The following SLC22A24 variants were observed in gnomAD, a reference collection of about 807,000 sequenced individuals.
SLC22A24 encodes the protein steroid transmembrane transporter SLC22A24.
SLC22A24 carries 53 observed loss-of-function variants against 49.8 expected under a neutral mutation model. The observed-to-expected ratio is 1.06, with a 90% CI of 0.85 to 1.34. The LOEUF is 1.34. Among genes scored for constraint, SLC22A24 ranks in the 40% most tolerant of loss-of-function variants. SLC22A24 has a pLI of 0.00. For synonymous variants in SLC22A24, 302 were observed against 256.4 expected, an observed-to-expected ratio of 1.18 and a Z score of -1.70; for missense variants, 786 against 675.9, an observed-to-expected ratio of 1.16 and a Z score of -1.81.
chr11:63,088,415 C>T (rs900023533), intron 6 of SLC22A24, among the ~76,000 whole-genome samples: 1 of 99,820 alleles, frequency 1.0e-5, no homozygotes, highest in Non-Finnish European at 2.3e-5. Flanking sequence ...CACACAAAAA[C>T]CCCACCTAAA....
In SLC22A24 at chr11:63,087,062, G is replaced by GGAGAGA. The variant is rs139630125; in HGVS notation, c.1071-3611_1071-3606dup. On this transcript the variant is annotated intron_variant, in intron 6 of 9. Coordinates refer to ENST00000612278, the MANE Select transcript of SLC22A24 (RefSeq NM_001136506.2). ...CACACACACACACACACACACAGAG[G>GGAGAGA]GAGAGAGAGAGAGAGAGAGAGAAAC... Among the ~76,000 whole-genome samples, 421 of 137,056 alleles carry GGAGAGA rather than the reference G, an allele frequency of 3.1e-3. 2 individuals carry two copies. Among genetic ancestry groups the GGAGAGA allele is most frequent in the Middle Eastern group, 7.6e-3 (2 of 262 alleles). The allele number at this position is 137,056 out of a possible 152,430, so 89.9% of individuals were successfully genotyped here. A position where few individuals can be genotyped will look rare whatever the true frequency, so the allele number is the denominator to read the frequency against.
chr11:63,105,326 T>A (rs1050917213), intron 4 of SLC22A24, among the ~76,000 whole-genome samples: 2 of 151,140 alleles, frequency 1.3e-5, no homozygotes, highest in Non-Finnish European at 2.9e-5. Context: ...CACTCAGCAG[T>A]GTACCAGTGG....
At position 63,125,273 on chromosome 11, in the gene SLC22A24, C is replaced by T. The variant is rs1392235663; in HGVS notation, c.507-5938G>A. 2.0e-5 allele frequency among the ~76,000 whole-genome samples: 3 copies of T among 152,178 alleles called. No individual in the cohort carries two copies. In the East Asian group the frequency reaches 5.8e-4, roughly 30 times the overall value. On this transcript the variant is annotated intron_variant, in intron 2 of 9. Coordinates refer to ENST00000612278, the MANE Select transcript of SLC22A24 (RefSeq NM_001136506.2). ...GCTGCACCCATTAACTTGTCATCTA[C>T]ATTAGGTATTTCTCCTAATGCTACT...
At chr11:63,104,563 G>A (rs554049182) in intron 4 of SLC22A24, among the ~76,000 whole-genome samples, 1 of 152,176 alleles carries the variant, frequency 6.6e-6, no homozygotes, top group Non-Finnish European at 1.5e-5. Context: ...CTGAGACTGG[G>A]TAACTTATAA....
chr11:63,113,799 A>G (rs1173344729), intron 4 of SLC22A24, among the ~76,000 whole-genome samples: 1 of 150,106 alleles, frequency 6.7e-6, no homozygotes, highest in Admixed American at 6.7e-5. Flanking sequence ...GATTGCAGTG[A>G]GCCAAAATTG....
At position 63,096,050 on chromosome 11, in the gene SLC22A24, A is replaced by T. The variant is rs763976918; in HGVS notation, c.1011T>A (p.Ile337=). 1.3e-6 allele frequency: 2 copies of T among 1,550,890 alleles called. No homozygotes were observed. The highest frequency in any genetic ancestry group is 1.4e-5 in the African/African-American group (1 of 73,018). The change falls in exon 6 of 10, where the codon ATT becomes ATA. Residue 337 remains isoleucine (I), a synonymous_variant. Coordinates refer to ENST00000612278, the MANE Select transcript of SLC22A24 (RefSeq NM_001136506.2). Reference sequence around the variant, plus strand: ...ATTTGGGTGCACGGAACAGGGAAAAAATGGATGTTTTAATTCGGACTGCAT... The same window carrying T: ...ATTTGGGTGCACGGAACAGGGAAAATATGGATGTTTTAATTCGGACTGCAT... ...ELDAVRIKTS[I]FSLFRAPKLR...
intron 2 of SLC22A24, 120 bp downstream of exon 2, chr11:63,134,545 G>T: frequency 1.7e-6 from 1 of 601,778 alleles, no homozygotes. Flanking sequence ...GAGTCAGAAA[G>T]AGAGATCAGC....
rs1408479153 is a variant in SLC22A24 at position 63,120,169 on chromosome 11, T to C, written c.507-834A>G. On this transcript the variant is annotated intron_variant, in intron 2 of 9. Transcript: ENST00000612278. Reference sequence around the variant, plus strand: ...TTTTGGCTTTTGTTGCCATTGCTTTTGGTGTTTTAGACATGAAGTCCTTGC... The same window carrying C: ...TTTTGGCTTTTGTTGCCATTGCTTTCGGTGTTTTAGACATGAAGTCCTTGC... 7.3e-5 allele frequency among the ~76,000 whole-genome samples: 11 copies of C among 151,478 alleles called. No homozygotes were observed. The East Asian group carries it at 2.1e-3, about 30-fold the overall frequency.
At chr11:63,080,030 G>A in intron 9 of SLC22A24, 30 bp from the exon 10 acceptor site, 1 of 1,405,400 alleles carries the variant, frequency 7.1e-7, no homozygotes, top group Non-Finnish European at 9.9e-7. Flanking sequence ...ACAAAAACAA[G>A]ATTAAGAAAC....
At chr11:63,112,308 G>A (rs2087171585) in intron 4 of SLC22A24, among the ~76,000 whole-genome samples, 1 of 152,178 alleles carries the variant, frequency 6.6e-6, no homozygotes, top group Non-Finnish European at 1.5e-5. Flanking sequence ...GTGTAGTGCT[G>A]AAGAAAATGT....
chr11:63,105,103 A>G (rs6591739), intron 4 of SLC22A24, among the ~76,000 whole-genome samples: 121,152 of 152,238 alleles, frequency 0.8, 49,299 homozygotes, highest in East Asian at 0.9. Context: ...CCTTGATTCC[A>G]TGTCTCAAAT....
chr11:63,108,261 G>A (rs546713794), intron 4 of SLC22A24, among the ~76,000 whole-genome samples: 2 of 152,158 alleles, frequency 1.3e-5, no homozygotes, highest in Non-Finnish European at 2.9e-5. Flanking sequence ...TGCCGAACCA[G>A]CCTTGCATCC....
At chr11:63,085,447 G>A (rs1011168777) in intron 6 of SLC22A24, among the ~76,000 whole-genome samples, 2 of 152,046 alleles carry the variant, frequency 1.3e-5, no homozygotes. Flanking sequence ...ATAATCAATA[G>A]TACATTAAAA....
intron 4 of SLC22A24, among the ~76,000 whole-genome samples, chr11:63,116,581 T>G (rs2087214695): frequency 1.3e-5 from 2 of 152,214 alleles, no homozygotes; most frequent in African/African-American, 4.8e-5. Flanking sequence ...TATGGATCTT[T>G]TCAGTTTATC....
intron 4 of SLC22A24, among the ~76,000 whole-genome samples, chr11:63,105,321 A>T (rs1199434439): frequency 6.6e-6 from 1 of 151,718 alleles, no homozygotes; most frequent in Non-Finnish European, 1.5e-5. Context: ...AGCTCCACTC[A>T]GCAGTGTACC....
intron 2 of SLC22A24, among the ~76,000 whole-genome samples, chr11:63,121,951 C>T (rs534095381): frequency 1.3e-5 from 2 of 151,820 alleles, no homozygotes; most frequent in South Asian, 2.1e-4. Context: ...ATGAGAAAGC[C>T]CTTTATGGTG....
chr11:63,090,277 C>T (rs1368102967), intron 6 of SLC22A24, among the ~76,000 whole-genome samples: 2 of 151,780 alleles, frequency 1.3e-5, no homozygotes, highest in African/African-American at 2.4e-5. Flanking sequence ...CTTTAACACC[C>T]CACTGTCAAT....
At chr11:63,111,746 C>A (rs1200101223) in intron 4 of SLC22A24, among the ~76,000 whole-genome samples, 1 of 151,934 alleles carries the variant, frequency 6.6e-6, no homozygotes, top group Non-Finnish European at 1.5e-5. Context: ...CTCTTTTTTT[C>A]TGTATTAGAC....
intron 6 of SLC22A24, among the ~76,000 whole-genome samples, chr11:63,094,751 A>C (rs924843726): frequency 7.9e-5 from 12 of 152,050 alleles, no homozygotes; most frequent in Non-Finnish European, 1.3e-4. Context: ...GCATTTTTTC[A>C]TGTGTCTTTT....
Sources: allele counts gnomAD v4.1 joint callset (sites outside exome capture counted in the v4.1 genomes callset), GRCh38; gene constraint gnomAD v4.1.1; transcripts MANE v1.5; gene names NCBI Gene and HGNC (gene_info 2026-07-23, HGNC 2026-07-21).